GTPBP6: variants seen among roughly 807,000 people sequenced by gnomAD.
GTPBP6 encodes GTP binding protein 6.
In GTPBP6, 33 loss-of-function variants were observed where a neutral mutation model predicts 28.9. The ratio of observed to expected loss-of-function variants is 1.14; its 90% CI spans 0.87 to 1.53. The LOEUF (loss-of-function observed/expected upper bound fraction) is 1.53, where lower values mean the gene tolerates loss of function less well. Among genes scored for constraint, GTPBP6 ranks in the 40% most tolerant of loss-of-function variants. GTPBP6 has a pLI of 0.00. For missense variants in GTPBP6, 507 were observed against 408.3 expected, an observed-to-expected ratio of 1.24 and a Z score of -2.08; for synonymous variants, 231 against 192.7, an observed-to-expected ratio of 1.20 and a Z score of -1.65.
chrX:317,211 C>A (rs1156723757), intron 1 of GTPBP6, among the ~76,000 whole-genome samples, 160 bp from the exon 2 acceptor site: 2 of 152,134 alleles, frequency 1.3e-5, no homozygotes, highest in Non-Finnish European at 2.9e-5. Flanking sequence ...CCCAGGGCCT[C>A]TAAGTAGGAA....
intron 4 of GTPBP6, among the ~76,000 whole-genome samples, chrX:314,481 T>TC (rs1262551989): frequency 6.6e-6 from 1 of 150,988 alleles, no homozygotes; most frequent in African/African-American, 2.4e-5. Flanking sequence ...TTCTTCTTTT[T>TC]TTTTTTTTTT....
intron 6 of GTPBP6, chrX:312,010 G>A: frequency 2.0e-6 from 1 of 510,354 alleles, no homozygotes; most frequent in South Asian, 1.8e-5. Context: ...AGGTGATGGT[G>A]TAGATGGGTG....
chrX:314,251 G>A (rs750320117), intron 4 of GTPBP6, 34 bp from the exon 5 acceptor site: 32 of 1,559,954 alleles, frequency 2.1e-5, no homozygotes, highest in South Asian at 1.2e-4. Flanking sequence ...CGGTCTCTGC[G>A]GACGCTGTCT....
At chrX:312,436 G>A (rs771166045) in intron 6 of GTPBP6, 1 of 553,716 alleles carries the variant, frequency 1.8e-6, no homozygotes, top group Non-Finnish European at 3.4e-6. Context: ...AGTGGGGATG[G>A]TCTAGACAGG....
intron 6 of GTPBP6, 135 bp downstream of exon 6, chrX:312,631 C>A (rs779201050): frequency 5.4e-6 from 5 of 922,316 alleles, no homozygotes; most frequent in Non-Finnish European, 8.6e-6. Context: ...TGGGAACCCC[C>A]TCTCCTGGGC....
chrX:314,276 G>A (rs1318204972), intron 4 of GTPBP6, 59 bp from the exon 5 acceptor site: 1 of 1,423,868 alleles, frequency 7.0e-7, no homozygotes, highest in Non-Finnish European at 9.9e-7. Context: ...CCCGGCAGAG[G>A]TCGAGGTGAA....
rs1281031358 is a variant in GTPBP6 at position 318,427 on chromosome X, T to G, written c.349+12A>C. 1 of 206,106 alleles carries G rather than the reference T, an allele frequency of 4.9e-6. No homozygotes were observed. Among genetic ancestry groups the G allele is most frequent in the Admixed American group, 6.6e-5 (1 of 15,230 alleles). 12.8% of individuals were successfully genotyped at this position (206,106 alleles called of 1,614,324 possible). ...GCTCCTGTTTCTCCCCCGAAAGCCC[T>G]GCCGCGGTCACCTCGAGTCATCTGC... On this transcript the variant is annotated intron_variant, in intron 1 of 9. Transcript: ENST00000326153.
rs1212977040 is a variant in GTPBP6, at chrX:318,047, G to A, written c.349+392C>T. Reference sequence around the variant, plus strand: ...CCATCAGACCCTCTCCTTAGAGCCTGGCCCCCTGAAGCCCCGCCCCTACGT... The same window carrying A: ...CCATCAGACCCTCTCCTTAGAGCCTAGCCCCCTGAAGCCCCGCCCCTACGT... On this transcript the variant is annotated intron_variant, in intron 1 of 9. Coordinates refer to ENST00000326153, the Ensembl canonical transcript of GTPBP6. 1.1e-4 allele frequency among the ~76,000 whole-genome samples: 14 copies of A among 133,046 alleles called. No homozygotes were observed. In the Admixed American group the frequency reaches 1.1e-3, roughly 10 times the overall value. 87.3% of individuals were successfully genotyped at this position (133,046 alleles called of 152,430 possible).
At position 307,888 on chromosome X, in the gene GTPBP6, C is replaced by G; in HGVS notation, c.1126-8G>C. On this transcript the variant is annotated splice_region_variant and splice_polypyrimidine_tract_variant and intron_variant, in intron 7 of 9. Transcript: ENST00000326153. Reference sequence around the variant, plus strand: ...CACGTGCAAGATGAGATCCTGTGGGCCGGGCCGTGGGGTCAGAGCTGCGGA... The same window carrying G: ...CACGTGCAAGATGAGATCCTGTGGGGCGGGCCGTGGGGTCAGAGCTGCGGA... 1 of 1,511,738 alleles carries G rather than the reference C, an allele frequency of 6.6e-7. No homozygotes were observed. 93.6% of individuals were successfully genotyped at this position (1,511,738 alleles called of 1,614,324 possible).
intron 1 of GTPBP6, 51 bp from the exon 2 acceptor site, chrX:317,102 G>A (rs1395047010): frequency 2.4e-5 from 8 of 338,864 alleles, no homozygotes; most frequent in Admixed American, 1.0e-4. Flanking sequence ...CGGGGCCCCC[G>A]TCCACACCTG....
intron 7 of GTPBP6, among the ~76,000 whole-genome samples, chrX:310,933 G>A (rs945170429): frequency 6.3e-5 from 8 of 127,372 alleles, no homozygotes; most frequent in East Asian, 2.6e-4. Flanking sequence ...TGACACGAAC[G>A]GTCACTCTGT....
At chrX:314,535 T>C (rs62580119) in intron 4 of GTPBP6, among the ~76,000 whole-genome samples, 105,753 of 150,110 alleles carry the variant, frequency 0.7, 37,434 homozygotes, top group African/African-American at 0.76. Flanking sequence ...TGCAGTGGCG[T>C]GATCTCGGCT....
At chrX:312,448 G>A (rs772074441) in intron 6 of GTPBP6, 1 of 573,040 alleles carries the variant, frequency 1.7e-6, no homozygotes, top group Non-Finnish European at 3.3e-6. Flanking sequence ...CTAGACAGGA[G>A]GATGGTGTAG....
At chrX:311,496 T>C (rs1434001190) in exon 7 of GTPBP6, 25 of 1,611,610 alleles carry the variant, frequency 1.6e-5, no homozygotes, top group Non-Finnish European at 2.1e-5. Context: ...AAGCCGATGG[T>C]GTCCACGTAC....
intron 5 of GTPBP6, among the ~76,000 whole-genome samples, chrX:313,761 C>T (rs772072469): frequency 1.7e-4 from 26 of 152,258 alleles, no homozygotes; most frequent in African/African-American, 5.3e-4. Flanking sequence ...ATGCCTGGAG[C>T]CCCCAGGAGC....
rs963381099 is a variant in GTPBP6 at position 311,818 on chromosome X, G to A, written c.917-191C>T. 3.6e-4 allele frequency: 224 copies of A among 620,002 alleles called. 1 individual carries two copies. Among genetic ancestry groups the A allele is most frequent in the Admixed American group, 1.3e-4 (5 of 37,684 alleles). 38.4% of individuals were successfully genotyped at this position (620,002 alleles called of 1,614,324 possible). A position where few individuals can be genotyped will look rare whatever the true frequency, so the allele number is the denominator to read the frequency against. On this transcript the variant is annotated intron_variant, in intron 6 of 9. Coordinates refer to ENST00000326153, the Ensembl canonical transcript of GTPBP6. Reference sequence around the variant, plus strand: ...GGACAAAGCCACCGTCGCTGTTCTCGGGCCGATGGAGCGGGGCCGCCGTGC... The same window carrying A: ...GGACAAAGCCACCGTCGCTGTTCTCAGGCCGATGGAGCGGGGCCGCCGTGC...
chrX:316,232 GACACA>G (rs2070436969), intron 2 of GTPBP6, among the ~76,000 whole-genome samples: 1 of 81,820 alleles, frequency 1.2e-5, no homozygotes, highest in Non-Finnish European at 2.7e-5. Flanking sequence ...TCCCAGCAGG[GACACA>G]AACACATACA....
intron 7 of GTPBP6, among the ~76,000 whole-genome samples, chrX:308,484 C>G (rs371215644): frequency 3.9e-5 from 6 of 152,128 alleles, no homozygotes; most frequent in Admixed American, 2.0e-4. Flanking sequence ...AGTTTGAGAC[C>G]AGCCTGGGCA....
At chrX:304,835 T>C (rs892854247) in exon 10 of GTPBP6, 2 of 1,400,838 alleles carry the variant, frequency 1.4e-6, no homozygotes, top group African/African-American at 2.9e-5. Flanking sequence ...GAGGGCCCAC[T>C]GGAATTGTGT....
Sources: allele counts gnomAD v4.1 joint callset (sites outside exome capture counted in the v4.1 genomes callset), GRCh38; gene constraint gnomAD v4.1.1; transcripts MANE v1.5; gene names NCBI Gene and HGNC (gene_info 2026-07-23, HGNC 2026-07-21).